PRIM2: variants seen among roughly 807,000 people sequenced by gnomAD.
PRIM2 encodes the protein DNA primase subunit 2.
PRIM2 carries 39 observed loss-of-function variants against 67.3 expected under a neutral mutation model. That is an observed-to-expected ratio of 0.58 (90% CI 0.45 to 0.76). PRIM2 has a LOEUF of 0.76. PRIM2 is among the 30% of genes least tolerant of loss of function. The pLI is 0.00. For missense variants in PRIM2, 398 were observed against 598.7 expected (o/e 0.66, Z 3.50); for synonymous variants, 143 against 198.7 (o/e 0.72, Z 2.36).
intron 7 of PRIM2, among the ~76,000 whole-genome samples, chr6:57,461,621 A>G (rs1385158058): frequency 6.6e-6 from 1 of 152,076 alleles, no homozygotes; most frequent in African/African-American, 2.4e-5. Context: ...TTAATTTTCA[A>G]TGTATGTATC....
intron 7 of PRIM2, among the ~76,000 whole-genome samples, chr6:57,423,353 T>C (rs1771522594): frequency 6.6e-6 from 1 of 152,188 alleles, no homozygotes; most frequent in South Asian, 2.1e-4. Context: ...TGTACTGTGG[T>C]TGACAACATA....
chr6:57,549,844 G>C (rs1277270951), intron 10 of PRIM2, among the ~76,000 whole-genome samples: 1 of 152,124 alleles, frequency 6.6e-6, no homozygotes, highest in Non-Finnish European at 1.5e-5. Context: ...CCAGCACTTT[G>C]GGAGGCCGAG....
intron 3 of PRIM2, among the ~76,000 whole-genome samples, chr6:57,322,161 A>G (rs1399737868): frequency 6.6e-6 from 1 of 152,196 alleles, no homozygotes; most frequent in Non-Finnish European, 1.5e-5. Context: ...GGAAAAGAGA[A>G]GATATACAAG....
chr6:57,426,258 C>T (rs2127375698), intron 7 of PRIM2, among the ~76,000 whole-genome samples: 1 of 152,272 alleles, frequency 6.6e-6, no homozygotes. Flanking sequence ...AACTCTCCGT[C>T]CCAAGCAACC....
At chr6:57,244,525 C>T in the PRIM2 span, among the ~76,000 whole-genome samples, 18 of 152,250 alleles carry the variant, frequency 1.2e-4, no homozygotes, top group African/African-American at 4.3e-4. Context: ...CTTTGGGAGG[C>T]CAGGGCAGGT....
chr6:57,372,955 T>C (rs552671308), intron 5 of PRIM2, among the ~76,000 whole-genome samples: 1 of 152,358 alleles, frequency 6.6e-6, no homozygotes, highest in African/African-American at 2.4e-5. Context: ...TAAAATGATT[T>C]ATATTCCTTT....
intron 7 of PRIM2, among the ~76,000 whole-genome samples, chr6:57,453,998 G>C (rs199785283): frequency 9.9e-5 from 15 of 152,122 alleles, no homozygotes; most frequent in African/African-American, 1.4e-4. Context: ...TAGCATGAAG[G>C]GTTGTCGAAT....
At chr6:57,634,158 C>G (rs1217019276) in intron 13 of PRIM2, among the ~76,000 whole-genome samples, 1 of 152,140 alleles carries the variant, frequency 6.6e-6, no homozygotes, top group Non-Finnish European at 1.5e-5. Context: ...ACTGTACTGT[C>G]CTATGATATT....
chr6:57,529,942 G>A (rs1167556262), intron 8 of PRIM2, among the ~76,000 whole-genome samples: 1 of 152,012 alleles, frequency 6.6e-6, no homozygotes, highest in Non-Finnish European at 1.5e-5. Flanking sequence ...GAAGAGTCTT[G>A]AGGTGGTGTA....
At chr6:57,627,580 G>C (rs1335594693) in intron 12 of PRIM2, among the ~76,000 whole-genome samples, 1 of 151,734 alleles carries the variant, frequency 6.6e-6, no homozygotes, top group African/African-American at 2.4e-5. Flanking sequence ...GTAGACATGG[G>C]GTTTCCCCAT....
intron 5 of PRIM2, among the ~76,000 whole-genome samples, chr6:57,376,684 G>C (rs1769776263): frequency 6.6e-6 from 1 of 152,112 alleles, no homozygotes; most frequent in African/African-American, 2.4e-5. Flanking sequence ...TCTGGTTGAT[G>C]TTTAGGGTAT....
rs1360950815 is a variant in PRIM2, at chr6:57,645,622, C to T, written c.1300-306C>T. ...GGATACGTTTCCTGTTGGGTTTGAG[C>T]TGCCTTTGAGCCATCTTAGATGTTG... On this transcript the variant is annotated intron_variant, in intron 13 of 13. Coordinates refer to ENST00000615550, the MANE Select transcript of PRIM2 (RefSeq NM_000947.5). Among the ~76,000 whole-genome samples, 57 of 151,118 alleles carry T rather than the reference C, an allele frequency of 3.8e-4. 1 individual carries two copies. Among genetic ancestry groups the T allele is most frequent in the Non-Finnish European group, 2.9e-5 (2 of 67,874 alleles).
chr6:57,578,823 C>T (rs1287986141), intron 10 of PRIM2, among the ~76,000 whole-genome samples: 2 of 151,462 alleles, frequency 1.3e-5, no homozygotes, highest in African/African-American at 4.9e-5. Context: ...ACTACAGGCG[C>T]CCGCTACCAC....
chr6:57,341,828 C>T (rs1259721716), intron 5 of PRIM2, among the ~76,000 whole-genome samples: 1 of 152,186 alleles, frequency 6.6e-6, no homozygotes, highest in African/African-American at 2.4e-5. Flanking sequence ...TGGAAGGAAA[C>T]AGCAGGGAGT....
the PRIM2 span, among the ~76,000 whole-genome samples, chr6:57,257,539 G>T: frequency 2.0e-5 from 3 of 152,138 alleles, no homozygotes; most frequent in Non-Finnish European, 4.4e-5. Flanking sequence ...CCAAAGTGCT[G>T]GGATTACAGG....
chr6:57,370,842 C>T (rs1769529514), intron 5 of PRIM2, among the ~76,000 whole-genome samples: 1 of 151,800 alleles, frequency 6.6e-6, no homozygotes, highest in African/African-American at 2.4e-5. Context: ...GGGATTACAG[C>T]GTGGGCCACC....
At chr6:57,612,496 C>T (rs1344041480) in intron 12 of PRIM2, among the ~76,000 whole-genome samples, 2 of 152,102 alleles carry the variant, frequency 1.3e-5, no homozygotes, top group Non-Finnish European at 2.9e-5. Flanking sequence ...CTCAAAAGCA[C>T]TATAGTGTAT....
intron 11 of PRIM2, among the ~76,000 whole-genome samples, chr6:57,606,014 C>G (rs1182515266): frequency 6.6e-6 from 1 of 151,958 alleles, no homozygotes; most frequent in Non-Finnish European, 1.5e-5. Flanking sequence ...AATTTTTAGA[C>G]TAGAATATAA....
chr6:57,296,881 A>G, the PRIM2 span, among the ~76,000 whole-genome samples: 1 of 152,162 alleles, frequency 6.6e-6, no homozygotes, highest in Non-Finnish European at 1.5e-5. Flanking sequence ...TTGAGAAGTA[A>G]GAAGGTGCTC....
Sources: allele counts gnomAD v4.1 joint callset (sites outside exome capture counted in the v4.1 genomes callset), GRCh38; gene constraint gnomAD v4.1.1; transcripts MANE v1.5; gene names NCBI Gene and HGNC (gene_info 2026-07-23, HGNC 2026-07-21).